AGTPBP1: variants seen among roughly 807,000 people sequenced by gnomAD.
AGTPBP1 encodes ATP/GTP binding carboxypeptidase 1.
A neutral mutation model predicts 143.9 loss-of-function variants in AGTPBP1; 70 were observed. The observed-to-expected ratio is 0.49, with a 90% CI of 0.40 to 0.59. The LOEUF (loss-of-function observed/expected upper bound fraction) is 0.59. AGTPBP1 is among the 20% of genes least tolerant of loss of function. The pLI is 0.00. For missense variants in AGTPBP1, 1,229 were observed against 1,464.5 expected, an observed-to-expected ratio of 0.84 and a Z score of 2.62; for synonymous variants, 463 against 500.2, an observed-to-expected ratio of 0.93 and a Z score of 0.99.
chr9:85,789,643 T>G, the AGTPBP1 span, among the ~76,000 whole-genome samples: 5 of 152,188 alleles, frequency 3.3e-5, no homozygotes, highest in Middle Eastern at 6.8e-3. Context: ...AATGTATTTT[T>G]TTGTTGTTGC....
At position 85,633,081 on chromosome 9, in the gene AGTPBP1, C is replaced by T; in HGVS notation, c.1596G>A (p.Lys532=). ...TCTGCAATGTAATTCGGTCCAAGGC[C>T]TTTACAATATCATTGTTTAAACCAT... The part of the protein sequence containing the change: ...SVHGLNNDIV[K]ALDRITLQNI... The change falls in exon 14 of 26, where the codon AAG becomes AAA. Residue 532 remains lysine (K), a synonymous_variant. Transcript: ENST00000357081. 1.2e-6 allele frequency: 2 copies of T among 1,614,138 alleles called. No homozygotes were observed. The highest frequency in any genetic ancestry group is 2.2e-5 in the South Asian group (2 of 91,082).
At chr9:85,760,708 A>C in the AGTPBP1 span, among the ~76,000 whole-genome samples, 1 of 152,204 alleles carries the variant, frequency 6.6e-6, no homozygotes, top group Non-Finnish European at 1.5e-5. Flanking sequence ...GAAAACTGGC[A>C]CAAGACAGGG....
the AGTPBP1 span, chr9:85,786,527 A>G: frequency 6.2e-7 from 1 of 1,613,878 alleles, no homozygotes. Flanking sequence ...CATTGGATCA[A>G]TGGCTGCTGA....
rs1824325729 is a variant in AGTPBP1 at position 85,741,867 on chromosome 9, C to G, written c.-126G>C. ...GGCGGATCCCTCGCCGCCCGCCGCC[C>G]GGTGTTTTCATACAAACCCCGGTGG... is the stretch of plus-strand genomic sequence containing the variant. On this transcript the variant is annotated 5_prime_UTR_variant, in exon 1 of 26. Coordinates refer to ENST00000357081, the MANE Select transcript of AGTPBP1 (RefSeq NM_001330701.2). 1.4e-6 allele frequency: 2 copies of G among 1,395,964 alleles called. No individual in the cohort carries two copies. The highest frequency in any genetic ancestry group is 9.3e-7 in the Non-Finnish European group (1 of 1,076,696). The allele number at this position is 1,395,964 out of a possible 1,614,324, so 86.5% of individuals were successfully genotyped here. A position where few individuals can be genotyped will look rare whatever the true frequency, so the allele number is the denominator to read the frequency against.
intron 2 of AGTPBP1, among the ~76,000 whole-genome samples, chr9:85,706,225 T>A (rs1836986587): frequency 6.7e-6 from 1 of 150,286 alleles, no homozygotes; most frequent in Non-Finnish European, 1.5e-5. Flanking sequence ...ATATAGAAAA[T>A]AAATAGGCCA....
intron 2 of AGTPBP1, among the ~76,000 whole-genome samples, chr9:85,711,610 T>C (rs1010316492): frequency 6.6e-6 from 1 of 152,016 alleles, no homozygotes; most frequent in African/African-American, 2.4e-5. Context: ...TGGCTAATTT[T>C]TGTATTTTTT....
chr9:85,718,002 A>G (rs1300876340), intron 1 of AGTPBP1, among the ~76,000 whole-genome samples: 1 of 152,196 alleles, frequency 6.6e-6, no homozygotes, highest in Non-Finnish European at 1.5e-5. Flanking sequence ...TGCAAAGGAC[A>G]TGAACTCATC....
At chr9:85,660,362 A>G (rs62569186) in intron 9 of AGTPBP1, among the ~76,000 whole-genome samples, 2,545 of 152,298 alleles carry the variant, frequency 0.017, 25 homozygotes, top group Middle Eastern at 0.054. Context: ...GAGAAAAAAT[A>G]TATGTAAGTA....
At chr9:85,557,988 C>T (rs1316631537) in intron 25 of AGTPBP1, among the ~76,000 whole-genome samples, 2 of 152,070 alleles carry the variant, frequency 1.3e-5, no homozygotes, top group African/African-American at 2.4e-5. Flanking sequence ...TTCCCTATAC[C>T]TTATTCGAAA....
At chr9:85,708,500 T>C (rs1837160582) in intron 2 of AGTPBP1, among the ~76,000 whole-genome samples, 1 of 152,190 alleles carries the variant, frequency 6.6e-6, no homozygotes, top group Non-Finnish European at 1.5e-5. Flanking sequence ...AATAGTGCTA[T>C]CTATATCTAA....
intron 25 of AGTPBP1, among the ~76,000 whole-genome samples, chr9:85,556,030 G>A (rs1332512096): frequency 2.6e-5 from 4 of 152,026 alleles, no homozygotes; most frequent in Non-Finnish European, 5.9e-5. Flanking sequence ...ATAACTATTG[G>A]GAACTAGTCT....
intron 2 of AGTPBP1, among the ~76,000 whole-genome samples, chr9:85,705,697 T>G (rs1412378515): frequency 1.3e-5 from 2 of 152,208 alleles, no homozygotes; most frequent in Non-Finnish European, 1.5e-5. Flanking sequence ...AAGGTTTTTT[T>G]GGGTTTTTTT....
At chr9:85,724,286 C>CAAA (rs56269636) in intron 1 of AGTPBP1, among the ~76,000 whole-genome samples, 3 of 77,782 alleles carry the variant, frequency 3.9e-5, no homozygotes, top group Non-Finnish European at 6.0e-5. Context: ...GACTTTGTCT[C>CAAA]AAAAAAAAAA....
the AGTPBP1 span, among the ~76,000 whole-genome samples, chr9:85,802,677 T>A: frequency 6.6e-6 from 1 of 152,230 alleles, no homozygotes; most frequent in African/African-American, 2.4e-5. Flanking sequence ...TGGCTCCAAC[T>A]CAATAGAAAT....
chr9:85,758,771 T>C, the AGTPBP1 span, among the ~76,000 whole-genome samples: 2 of 152,114 alleles, frequency 1.3e-5, no homozygotes, highest in African/African-American at 2.4e-5. Flanking sequence ...AAGATCCAAG[T>C]AATGGGAATT....
chr9:85,650,042 CTTTTTTTTTTT>C (rs35903806), intron 11 of AGTPBP1, among the ~76,000 whole-genome samples: 98 of 109,222 alleles, frequency 9.0e-4, no homozygotes, highest in African/African-American at 3.2e-3. Context: ...CTAAACTTTC[CTTTTTTTTTTT>C]TTTTTTTTTT....
chr9:85,755,536 G>A, the AGTPBP1 span, among the ~76,000 whole-genome samples: 2 of 152,038 alleles, frequency 1.3e-5, no homozygotes, highest in South Asian at 2.1e-4. Context: ...TCCACTGTGT[G>A]TATTCATTTA....
chr9:85,605,825 T>G (rs1014713140), intron 17 of AGTPBP1, among the ~76,000 whole-genome samples: 3 of 152,080 alleles, frequency 2.0e-5, no homozygotes, highest in African/African-American at 7.2e-5. Flanking sequence ...ATCCATGTTG[T>G]CATCAGTTTA....
chr9:85,670,372 C>G (rs1452346087), intron 7 of AGTPBP1, among the ~76,000 whole-genome samples: 1 of 152,040 alleles, frequency 6.6e-6, no homozygotes, highest in African/African-American at 2.4e-5. Flanking sequence ...GGTCAGAATT[C>G]AAAGAACTCT....
Sources: gnomAD v4.1 joint callset for allele counts (sites outside exome capture counted in the v4.1 genomes callset) on GRCh38, gnomAD v4.1.1 for gene constraint, MANE v1.5 for transcripts, NCBI Gene and HGNC (gene_info 2026-07-23, HGNC 2026-07-21) for gene names.